The following PMPCB variants were observed in gnomAD, a reference collection of about 807,000 sequenced individuals.
PMPCB encodes the protein peptidase, mitochondrial processing subunit beta, also known as mitochondrial-processing peptidase subunit beta.
A neutral mutation model predicts 61.5 loss-of-function variants in PMPCB; 46 were observed. The observed-to-expected ratio is 0.75, with a 90% CI of 0.59 to 0.96. The LOEUF (loss-of-function observed/expected upper bound fraction) is 0.96, where lower values mean the gene tolerates loss of function less well. Ranked by LOEUF, PMPCB falls within the 40% of genes least tolerant of loss-of-function variation. The pLI, the probability that PMPCB is intolerant of heterozygous loss-of-function variation, is 0.00. For synonymous variants in PMPCB, 191 were observed against 201.6 expected (o/e 0.95, Z 0.44); for missense variants, 590 against 602.4 (o/e 0.98, Z 0.22).
the PMPCB span, chr7:103,344,778 G>T: frequency 5.8e-6 from 4 of 688,626 alleles, no homozygotes; most frequent in Non-Finnish European, 1.0e-5. Context: ...AAGCACTTCC[G>T]GGATGGATCT....
the PMPCB span, among the ~76,000 whole-genome samples, chr7:103,342,297 T>C: frequency 1.3e-5 from 2 of 151,880 alleles, no homozygotes; most frequent in African/African-American, 2.4e-5. Context: ...GACAAATTAT[T>C]TATTTTTTTA....
At chr7:103,347,001 T>C in the PMPCB span, among the ~76,000 whole-genome samples, 3 of 152,256 alleles carry the variant, frequency 2.0e-5, no homozygotes, top group Admixed American at 2.0e-4. Context: ...TCAGTTCTTT[T>C]GGATACACAT....
At chr7:103,315,649 A>G, downstream of PMPCB, 1 of 614,236 alleles carries the variant, frequency 1.6e-6, no homozygotes, top group East Asian at 2.9e-5. Context: ...TACAGCTTCC[A>G]GTCTGCTAAA....
intron 12 of PMPCB, chr7:103,319,779 A>G (rs908137685): frequency 1.9e-6 from 3 of 1,614,104 alleles, no homozygotes; most frequent in Admixed American, 3.3e-5. Context: ...GCCGATCACA[A>G]AGTTTTTCCA....
intron 12 of PMPCB, chr7:103,327,459 A>T (rs1818765914): frequency 1.4e-6 from 1 of 732,376 alleles, no homozygotes; most frequent in Non-Finnish European, 2.2e-6. Flanking sequence ...GGTGTTGCTG[A>T]TGCTGCTGGC....
In PMPCB at chr7:103,311,892, T is replaced by C. The variant is rs1586052815; in HGVS notation, c.1325T>C (p.Ile442Thr). The C allele has an allele frequency of 3.1e-6, 5 of 1,601,954 alleles. No individual in the cohort carries two copies. Among genetic ancestry groups the C allele is most frequent in the Non-Finnish European group, 4.3e-6 (5 of 1,169,858 alleles). Reference sequence around the variant, plus strand: ...CCCATCCCTGAGCTTGAAGCAAGAATTGATGTAAGTAGTCCTGAGTTACTA... The same window carrying C: ...CCCATCCCTGAGCTTGAAGCAAGAACTGATGTAAGTAGTCCTGAGTTACTA... ...RIPIPELEAR[I>T]DAVNAETIRE... is the part of the protein sequence containing the mutation. Residue 442 changes from isoleucine (I) to threonine (T), a missense_variant, in exon 11 of 13, where the codon ATT becomes ACT. Coordinates refer to ENST00000249269, the MANE Select transcript of PMPCB (RefSeq NM_004279.3).
chr7:103,298,472 A>G (rs1563443184), intron 1 of PMPCB, 96 bp from the exon 2 acceptor site: 1 of 1,186,860 alleles, frequency 8.4e-7, no homozygotes, highest in East Asian at 2.4e-5. Context: ...TTATAGAGAC[A>G]GCCTATTTAA....
the PMPCB span, chr7:103,335,529 T>G: frequency 2.0e-5 from 3 of 151,810 alleles, no homozygotes; most frequent in African/African-American, 7.3e-5. Flanking sequence ...TTCTTTTCTT[T>G]CTTTCTTTCT....
chr7:103,326,856 G>T (rs1818735708), intron 12 of PMPCB, among the ~76,000 whole-genome samples: 1 of 152,132 alleles, frequency 6.6e-6, no homozygotes, highest in Non-Finnish European at 1.5e-5. Context: ...AGCACTACTG[G>T]ATATAACTGG....
chr7:103,316,615 A>T, downstream of PMPCB: 1 of 492,976 alleles, frequency 2.0e-6, no homozygotes, highest in Non-Finnish European at 3.5e-6. Flanking sequence ...TTTCCTGAGA[A>T]ACAAGTATTC....
At chr7:103,297,910 C>A in intron 1 of PMPCB, 1 of 1,308,128 alleles carries the variant, frequency 7.6e-7, no homozygotes, top group South Asian at 1.4e-5. Flanking sequence ...TAAGACTGAA[C>A]TTCGTCCTCA....
intron 9 of PMPCB, 199 bp downstream of exon 9, chr7:103,310,674 A>G (rs924611846): frequency 1.3e-5 from 2 of 157,172 alleles, no homozygotes; most frequent in East Asian, 1.6e-4. Flanking sequence ...ATACTATAGA[A>G]TTTTTTTTTT....
At chr7:103,338,206 G>A in the PMPCB span, among the ~76,000 whole-genome samples, 1 of 151,788 alleles carries the variant, frequency 6.6e-6, no homozygotes, top group Non-Finnish European at 1.5e-5. Flanking sequence ...GTAAGTAGAG[G>A]CTGCAGTGAG....
chr7:103,323,280 T>C (rs1441734003), intron 12 of PMPCB, among the ~76,000 whole-genome samples: 1 of 151,992 alleles, frequency 6.6e-6, no homozygotes, highest in Non-Finnish European at 1.5e-5. Context: ...TGCACATTCA[T>C]GTCAAAAGCA....
chr7:103,308,911 G>T, intron 7 of PMPCB, 41 bp from the exon 8 acceptor site: 1 of 1,491,140 alleles, frequency 6.7e-7, no homozygotes, highest in Non-Finnish European at 9.0e-7. Context: ...GTTATATAAT[G>T]TTAATCTTAA....
chr7:103,344,792 G>A, the PMPCB span: 6 of 658,376 alleles, frequency 9.1e-6, no homozygotes, highest in African/African-American at 7.2e-5. Context: ...TGGATCTTTC[G>A]TGGTGTGGAG....
chr7:103,311,618 A>G lies in PMPCB; in HGVS notation c.1155-25A>G, dbSNP rs764780439. The G allele has an allele frequency of 6.4e-6, 10 of 1,566,074 alleles. 1 individual carries two copies. The Middle Eastern group carries it at 1.2e-3, about 184-fold the overall frequency. On this transcript the variant is annotated intron_variant, in intron 9 of 12. Transcript: ENST00000249269. Reference sequence around the variant, plus strand: ...TCATGAAATACAACATTTTCCAACTACTACTGTTTTTCCACGTTTTTTAGG... The same window carrying G: ...TCATGAAATACAACATTTTCCAACTGCTACTGTTTTTCCACGTTTTTTAGG...
chr7:103,322,422 G>T, intron 12 of PMPCB: 2 of 1,263,762 alleles, frequency 1.6e-6, no homozygotes, highest in Non-Finnish European at 2.1e-6. Context: ...TCGAATTATA[G>T]TTTTTTTTAA....
At chr7:103,307,758 G>A (rs1305247013) in intron 7 of PMPCB, 50 bp downstream of exon 7, 2 of 984,442 alleles carry the variant, frequency 2.0e-6, no homozygotes, top group South Asian at 2.6e-5. Context: ...TCCTTGTGTT[G>A]TATTTACACA....
Sources: allele counts gnomAD v4.1 joint callset (sites outside exome capture counted in the v4.1 genomes callset), GRCh38; gene constraint gnomAD v4.1.1; transcripts MANE v1.5; gene names NCBI Gene and HGNC (gene_info 2026-07-23, HGNC 2026-07-21).